The following CBLN2 variants were observed in gnomAD, a reference collection of about 807,000 sequenced individuals.
The protein encoded by CBLN2 is cerebellin-2.
In CBLN2, 7 loss-of-function variants were observed where a neutral mutation model predicts 15.0. That is an observed-to-expected ratio of 0.47 (90% CI 0.27 to 0.88). The LOEUF is 0.88. Among genes scored for constraint, CBLN2 ranks in the 40% least tolerant of loss-of-function variants. The pLI is 0.14. For synonymous variants in CBLN2, 149 were observed against 135.2 expected (o/e 1.10, Z -0.71); for missense variants, 242 against 304.5 (o/e 0.79, Z 1.53).
chr18:72,624,756 T>A (rs1390316285), intron 1 of CBLN2, among the ~76,000 whole-genome samples: 4 of 152,220 alleles, frequency 2.6e-5, no homozygotes, highest in Non-Finnish European at 5.9e-5. Context: ...CCTTACATAA[T>A]TATGTGTGTG....
At chr18:72,575,540 G>A (rs1426098727) in intron 1 of CBLN2, among the ~76,000 whole-genome samples, 1 of 152,158 alleles carries the variant, frequency 6.6e-6, no homozygotes, top group African/African-American at 2.4e-5. Context: ...GCAGCAGTGA[G>A]AAGGGAGGTC....
At chr18:72,567,088 G>A (rs1599002220) in intron 1 of CBLN2, among the ~76,000 whole-genome samples, 1 of 152,140 alleles carries the variant, frequency 6.6e-6, no homozygotes, top group East Asian at 1.9e-4. Flanking sequence ...CTCCCAAAAT[G>A]CTAGAATTAC....
chr18:72,552,317 C>T (rs557172967), intron 1 of CBLN2, among the ~76,000 whole-genome samples: 52 of 152,124 alleles, frequency 3.4e-4, no homozygotes, highest in African/African-American at 1.2e-3. Flanking sequence ...CTCCTGACCT[C>T]AGGTGATCCA....
intron 1 of CBLN2, among the ~76,000 whole-genome samples, chr18:72,631,669 C>T (rs1480097654): frequency 6.6e-6 from 1 of 152,076 alleles, no homozygotes; most frequent in African/African-American, 2.4e-5. Flanking sequence ...ATTAGAATCT[C>T]AGGACCTTTG....
At chr18:72,586,240 A>ACAGCC (rs2069442322) in intron 1 of CBLN2, among the ~76,000 whole-genome samples, 1 of 152,196 alleles carries the variant, frequency 6.6e-6, no homozygotes, top group African/African-American at 2.4e-5. Context: ...GGCTATCAAA[A>ACAGCC]TTATTATTGT....
At chr18:72,552,019 T>C (rs1330858452) in intron 1 of CBLN2, among the ~76,000 whole-genome samples, 3 of 152,236 alleles carry the variant, frequency 2.0e-5, no homozygotes, top group East Asian at 1.9e-4. Context: ...CTTAGCCTTT[T>C]CTTTCCCATT....
chr18:72,538,004 C>A lies in CBLN2; in HGVS notation c.*172G>T. On this transcript the variant is annotated 3_prime_UTR_variant, in exon 5 of 5. Transcript: ENST00000269503. ...AGGTTCCCGAGGAATTGTCAGTATT[C>A]CAAAAAACAAAAACAAAAGTACTGG... The A allele has an allele frequency of 1.5e-6, 1 of 654,474 alleles. No individual in the cohort carries two copies. The highest frequency in any genetic ancestry group is 2.0e-5 in the South Asian group (1 of 50,030). The allele number at this position is 654,474 out of a possible 1,614,324, so 40.5% of individuals were successfully genotyped here. A position where few individuals can be genotyped will look rare whatever the true frequency, so the allele number is the denominator to read the frequency against.
In CBLN2 at chr18:72,557,669, C is replaced by T. The variant is rs530016889; in HGVS notation, c.16-18897G>A. Among the ~76,000 whole-genome samples the T allele has an allele frequency of 2.2e-4, 34 of 152,290 alleles. 2 individuals carry two copies. In the South Asian group the frequency reaches 6.4e-3, roughly 29 times the overall value. On this transcript the variant is annotated intron_variant, in intron 1 of 2. Transcript: ENST00000581073. ...TAATGCAGGAACAGAAAACCAAACA[C>T]CACATGTTCTCACTAGTAAGTGGGA...
chr18:72,555,787 T>C (rs762354656), intron 1 of CBLN2, among the ~76,000 whole-genome samples: 5 of 152,190 alleles, frequency 3.3e-5, no homozygotes, highest in Non-Finnish European at 7.3e-5. Flanking sequence ...GAACACCTAC[T>C]ATGAGCTCAG....
At chr18:72,568,831 G>A (rs1468464959) in intron 1 of CBLN2, among the ~76,000 whole-genome samples, 2 of 151,986 alleles carry the variant, frequency 1.3e-5, no homozygotes, top group African/African-American at 4.8e-5. Context: ...TTGATTTGTT[G>A]TTTTGTCGAT....
chr18:72,630,822 T>A (rs1468056730), intron 1 of CBLN2, among the ~76,000 whole-genome samples: 3 of 152,120 alleles, frequency 2.0e-5, no homozygotes, highest in Non-Finnish European at 4.4e-5. Context: ...GCATTACAAA[T>A]TTTTCCCCTA....
At chr18:72,550,010 G>A (rs2069182492) in intron 1 of CBLN2, among the ~76,000 whole-genome samples, 1 of 152,130 alleles carries the variant, frequency 6.6e-6, no homozygotes. Context: ...GCTAAAAACT[G>A]GTAGACGTAG....
intron 1 of CBLN2, among the ~76,000 whole-genome samples, chr18:72,610,989 G>A (rs1417879892): frequency 2.0e-5 from 3 of 152,080 alleles, no homozygotes; most frequent in Non-Finnish European, 4.4e-5. Flanking sequence ...GAGAACATGT[G>A]GTATCCGATT....
intron 1 of CBLN2, among the ~76,000 whole-genome samples, chr18:72,599,668 T>C (rs1300562150): frequency 2.0e-5 from 3 of 152,094 alleles, no homozygotes; most frequent in Non-Finnish European, 4.4e-5. Context: ...AAAGATCCAG[T>C]AGAGAAAAAT....
intron 1 of CBLN2, among the ~76,000 whole-genome samples, chr18:72,622,549 A>T (rs1281037025): frequency 6.6e-6 from 1 of 152,050 alleles, no homozygotes; most frequent in Non-Finnish European, 1.5e-5. Flanking sequence ...TCTAGTGCTG[A>T]ATTGTTGCCT....
At chr18:72,592,253 G>C (rs1042973375) in intron 1 of CBLN2, among the ~76,000 whole-genome samples, 1 of 151,862 alleles carries the variant, frequency 6.6e-6, no homozygotes, top group Admixed American at 6.6e-5. Flanking sequence ...GATGATCAGT[G>C]ATGTTGAGCA....
intron 1 of CBLN2, among the ~76,000 whole-genome samples, chr18:72,551,728 CATGAAATTAT>C (rs2144882215): frequency 6.6e-6 from 1 of 152,314 alleles, no homozygotes; most frequent in Admixed American, 6.5e-5. Context: ...GCATACATTA[CATGAAATTAT>C]ATGAACACCA....
At chr18:72,604,975 C>T (rs948658768) in intron 1 of CBLN2, among the ~76,000 whole-genome samples, 21 of 152,182 alleles carry the variant, frequency 1.4e-4, no homozygotes, top group Admixed American at 1.3e-3. Flanking sequence ...AATACTATTC[C>T]TTCAGACCTC....
intron 1 of CBLN2, among the ~76,000 whole-genome samples, chr18:72,594,903 T>C (rs566487345): frequency 1.2e-4 from 19 of 152,208 alleles, no homozygotes; most frequent in African/African-American, 4.3e-4. Context: ...TTTTATTTAT[T>C]TGGGACTTCT....
Sources: gnomAD v4.1 joint callset for allele counts (sites outside exome capture counted in the v4.1 genomes callset) on GRCh38, gnomAD v4.1.1 for gene constraint, MANE v1.5 for transcripts, NCBI Gene and HGNC (gene_info 2026-07-23, HGNC 2026-07-21) for gene names.